ADCY2: variants seen among roughly 807,000 people sequenced by gnomAD.
ADCY2 encodes adenylate cyclase 2.
Under a neutral mutation model 125.2 loss-of-function variants are expected in ADCY2, and 31 were observed. The ratio of observed to expected loss-of-function variants is 0.25; its 90% CI spans 0.19 to 0.33. The LOEUF (loss-of-function observed/expected upper bound fraction) is 0.33, where lower values mean the gene tolerates loss of function less well. Ranked by LOEUF, ADCY2 falls within the 10% of genes least tolerant of loss-of-function variation. The probability of loss-of-function intolerance (pLI) is 1.00; values close to 1 mark genes in which losing one functional copy is unlikely to be tolerated. For synonymous variants in ADCY2, 512 were observed against 548.4 expected, an observed-to-expected ratio of 0.93 and a Z score of 0.93; for missense variants, 904 against 1,418.2, an observed-to-expected ratio of 0.64 and a Z score of 5.82.
At chr5:7,818,148 G>A (rs898994579) in intron 23 of ADCY2, among the ~76,000 whole-genome samples, 3 of 151,986 alleles carry the variant, frequency 2.0e-5, no homozygotes, top group African/African-American at 7.3e-5. Flanking sequence ...AATTCTATCT[G>A]AATGGTTTTT....
intron 1 of ADCY2, among the ~76,000 whole-genome samples, chr5:7,401,890 C>T (rs1248020380): frequency 1.3e-5 from 2 of 152,226 alleles, no homozygotes; most frequent in East Asian, 3.8e-4. Flanking sequence ...GGATGTTGGG[C>T]ATACTCCACT....
At chr5:7,713,301 G>C (rs1369534274) in intron 11 of ADCY2, among the ~76,000 whole-genome samples, 2 of 151,816 alleles carry the variant, frequency 1.3e-5, no homozygotes, top group African/African-American at 4.8e-5. Flanking sequence ...GACCAGCCTG[G>C]CCAACATAAC....
chr5:7,766,785 G>T lies in ADCY2; in HGVS notation c.2193G>T (p.Ala731=), dbSNP rs750860134. The T allele has an allele frequency of 6.2e-7, 1 of 1,609,238 alleles. No homozygotes were observed. Among genetic ancestry groups the T allele is most frequent in the Non-Finnish European group, 8.5e-7 (1 of 1,178,904 alleles). The change falls in exon 17 of 25, where the codon GCG becomes GCT. Residue 731 remains alanine, a synonymous_variant. Transcript: ENST00000338316. Reference sequence around the variant, plus strand: ...ATAATCAGGTGGCGATTCTGCGTGCGCAGAATTTATTTTTCCTCCCGGTAA... The same window carrying T: ...ATAATCAGGTGGCGATTCTGCGTGCTCAGAATTTATTTTTCCTCCCGGTAA... ...ASNNQVAILR[A]QNLFFLPYFI...
intron 3 of ADCY2, among the ~76,000 whole-genome samples, chr5:7,527,125 C>T (rs924790877): frequency 6.6e-6 from 1 of 152,174 alleles, no homozygotes; most frequent in African/African-American, 2.4e-5. Flanking sequence ...CCCTTCTCTC[C>T]ACCCACCTCA....
chr5:7,557,055 A>G (rs1318764821), intron 3 of ADCY2, among the ~76,000 whole-genome samples: 2 of 151,878 alleles, frequency 1.3e-5, no homozygotes, highest in African/African-American at 2.4e-5. Flanking sequence ...TAAAGAAACA[A>G]TCAGGACCAG....
chr5:7,578,693 G>A (rs1054918806), intron 3 of ADCY2, among the ~76,000 whole-genome samples: 8 of 152,218 alleles, frequency 5.3e-5, no homozygotes, highest in African/African-American at 1.7e-4. Context: ...AAAGCTAGGA[G>A]GCTCCTCTGT....
rs144850576 is a variant in ADCY2, at chr5:7,547,662, T to C, written c.570+26763T>C. Reference sequence around the variant, plus strand: ...CCTGGCATACCCAGTTCCAAGCAGGTGATCTTTACCTGTGCCTCTCTCAGG... The same window carrying C: ...CCTGGCATACCCAGTTCCAAGCAGGCGATCTTTACCTGTGCCTCTCTCAGG... On this transcript the variant is annotated intron_variant, in intron 3 of 24. Transcript: ENST00000338316. Among the ~76,000 whole-genome samples, 761 of 152,316 alleles carry C rather than the reference T, an allele frequency of 5.0e-3. 8 individuals are homozygous for C. The highest frequency in any genetic ancestry group is 0.017 in the African/African-American group (723 of 41,578).
At chr5:7,517,485 T>A (rs1009328425) in intron 2 of ADCY2, among the ~76,000 whole-genome samples, 3 of 152,206 alleles carry the variant, frequency 2.0e-5, no homozygotes, top group Non-Finnish European at 2.9e-5. Context: ...TTGAGATTAA[T>A]AAGGAGTGAA....
intron 6 of ADCY2, among the ~76,000 whole-genome samples, chr5:7,697,137 G>GGC (rs1740920184): frequency 1.3e-5 from 2 of 152,106 alleles, no homozygotes; most frequent in Non-Finnish European, 1.5e-5. Context: ...CCCAATTCCA[G>GGC]TTCTACCTCC....
chr5:7,782,378 T>C (rs1743946960), intron 18 of ADCY2: 3 of 157,702 alleles, frequency 1.9e-5, no homozygotes, highest in Non-Finnish European at 4.4e-5. Flanking sequence ...TCTGTCTGAT[T>C]AACTGAAAAC....
chr5:7,458,971 A>G (rs984247242), intron 2 of ADCY2, among the ~76,000 whole-genome samples: 9 of 152,168 alleles, frequency 5.9e-5, no homozygotes, highest in Non-Finnish European at 1.2e-4. Context: ...TGCCACAATT[A>G]TGCTGTACAA....
chr5:7,743,665 T>A lies in ADCY2; in HGVS notation c.1872-3T>A. 3 of 1,613,732 alleles carry A rather than the reference T, an allele frequency of 1.9e-6. No homozygotes were observed. Among genetic ancestry groups the A allele is most frequent in the Non-Finnish European group, 2.5e-6 (3 of 1,179,774 alleles). On this transcript the variant is annotated splice_polypyrimidine_tract_variant and splice_region_variant and intron_variant, in intron 14 of 24. Transcript: ENST00000338316. Reference sequence around the variant, plus strand: ...TGACTTGCTGCTTTTTGTTTCCCGGTAGAACGTCCGTCCTGGGCATCTCCT... The same window carrying A: ...TGACTTGCTGCTTTTTGTTTCCCGGAAGAACGTCCGTCCTGGGCATCTCCT...
intron 2 of ADCY2, among the ~76,000 whole-genome samples, chr5:7,454,395 C>T (rs1180204380): frequency 6.6e-6 from 1 of 152,152 alleles, no homozygotes; most frequent in African/African-American, 2.4e-5. Context: ...CTCTTTATTG[C>T]AATGGTGTGG....
Position 7,648,728 on chromosome 5 carries a change from T to A in ADCY2, c.720+22412T>A, listed in dbSNP as rs150161167. 3.0e-3 allele frequency among the ~76,000 whole-genome samples: 454 copies of A among 152,324 alleles called. 11 individuals are homozygous for A. The highest frequency in any genetic ancestry group is 6.5e-4 in the Non-Finnish European group (44 of 68,036). The stretch of plus-strand genomic sequence containing the variant: ...ATCGATAAAATGAATTAAAATCATT[T>A]TGTATCATTTAATATGATTTTGATA... On this transcript the variant is annotated intron_variant, in intron 4 of 24. Coordinates refer to ENST00000338316, the MANE Select transcript of ADCY2 (RefSeq NM_020546.3).
chr5:7,461,041 C>A (rs1320131069), intron 2 of ADCY2, among the ~76,000 whole-genome samples: 1 of 152,158 alleles, frequency 6.6e-6, no homozygotes, highest in Non-Finnish European at 1.5e-5. Flanking sequence ...CTTCATGGCC[C>A]AGCAGAGGCC....
At chr5:7,695,335 A>G (rs1295327814) in intron 5 of ADCY2, among the ~76,000 whole-genome samples, 2 of 152,166 alleles carry the variant, frequency 1.3e-5, no homozygotes, top group Non-Finnish European at 2.9e-5. Context: ...GTAACTGGAC[A>G]TTTGTTGATG....
intron 16 of ADCY2, among the ~76,000 whole-genome samples, chr5:7,766,464 G>A (rs1303020816): frequency 1.3e-5 from 2 of 152,128 alleles, no homozygotes; most frequent in African/African-American, 4.8e-5. Context: ...TTTGATAAAG[G>A]CGCCTCCAAT....
intron 3 of ADCY2, among the ~76,000 whole-genome samples, chr5:7,538,051 A>G (rs1474256339): frequency 1.3e-5 from 2 of 152,066 alleles, no homozygotes; most frequent in African/African-American, 4.8e-5. Flanking sequence ...CCTGAATAAC[A>G]CTGGACTCTC....
chr5:7,723,313 T>A (rs914133747), intron 12 of ADCY2, among the ~76,000 whole-genome samples: 1 of 152,204 alleles, frequency 6.6e-6, no homozygotes, highest in African/African-American at 2.4e-5. Context: ...TATTTTTATT[T>A]TTCTCACTTT....
Sources: gnomAD v4.1 joint callset for allele counts (sites outside exome capture counted in the v4.1 genomes callset) on GRCh38, gnomAD v4.1.1 for gene constraint, MANE v1.5 for transcripts, NCBI Gene and HGNC (gene_info 2026-07-23, HGNC 2026-07-21) for gene names.